Variants in AFF2 observed in about 807,000 individuals in gnomAD.
AFF2 encodes the protein ALF transcription elongation factor 2, also known as AF4/FMR2 family member 2.
Under a neutral mutation model 76.9 loss-of-function variants are expected in AFF2, and 14 were observed. The observed-to-expected ratio is 0.18, with a 90% CI of 0.12 to 0.28. AFF2 has a LOEUF of 0.28. AFF2 is among the 10% of genes least tolerant of loss of function. AFF2 has a pLI of 1.00. For synonymous variants in AFF2, 398 were observed against 366.7 expected, an observed-to-expected ratio of 1.09 and a Z score of -0.98; for missense variants, 868 against 1,001.1, an observed-to-expected ratio of 0.87 and a Z score of 1.79.
At chrX:148,866,149 C>G (rs1030249916) in intron 7 of AFF2, among the ~76,000 whole-genome samples, 2 of 111,809 alleles carry the variant, frequency 1.8e-5, no homozygotes, top group African/African-American at 6.5e-5. Flanking sequence ...AACTTATGCT[C>G]TTAGCCTTCA....
chrX:148,763,277 G>A (rs1557267459), intron 3 of AFF2, among the ~76,000 whole-genome samples: 1 of 111,692 alleles, frequency 9.0e-6, no homozygotes, highest in Non-Finnish European at 1.9e-5. Context: ...TTCCACGGGA[G>A]TACAAATCAA....
chrX:148,693,213 G>A (rs782290741), intron 3 of AFF2, among the ~76,000 whole-genome samples: 1 of 111,458 alleles, frequency 9.0e-6, no homozygotes, highest in South Asian at 3.8e-4. Context: ...CACTGTGCCC[G>A]GCCAAGGTGC....
At chrX:148,974,334 C>A (rs958742993) in intron 16 of AFF2, among the ~76,000 whole-genome samples, 6 of 110,819 alleles carry the variant, frequency 5.4e-5, no homozygotes, top group Non-Finnish European at 9.5e-5. Flanking sequence ...GATATTTGTA[C>A]AATAATTTAA....
intron 3 of AFF2, among the ~76,000 whole-genome samples, chrX:148,750,902 T>A (rs1346081700): frequency 8.9e-6 from 1 of 111,808 alleles, no homozygotes; most frequent in African/African-American, 3.2e-5. Context: ...TCATTCTTAA[T>A]GACCATATCT....
Position 149,000,046 on chromosome X carries a change from T to C in AFF2, c.*8714T>C, listed in dbSNP as rs1179469739. On this transcript the variant is annotated 3_prime_UTR_variant, in exon 21 of 21. Transcript: ENST00000370460. Reference sequence around the variant, plus strand: ...CCAAGTAAGTAGAGGAGCAGAACCATCAGGAACAGCCTGCCTGGCTCCTAT... The same window carrying C: ...CCAAGTAAGTAGAGGAGCAGAACCACCAGGAACAGCCTGCCTGGCTCCTAT... The C allele has an allele frequency of 9.0e-6, 1 of 111,576 alleles. No individual in the cohort carries two copies. Among genetic ancestry groups the C allele is most frequent in the Non-Finnish European group, 1.9e-5 (1 of 53,076 alleles). 9.2% of individuals were successfully genotyped at this position (111,576 alleles called of 1,213,427 possible). A position where few individuals can be genotyped will look rare whatever the true frequency, so the allele number is the denominator to read the frequency against.
At chrX:148,588,372 G>T (rs1236229901) in intron 1 of AFF2, among the ~76,000 whole-genome samples, 1 of 112,709 alleles carries the variant, frequency 8.9e-6, no homozygotes, top group Non-Finnish European at 1.9e-5. Flanking sequence ...AGGTTTCACA[G>T]CTGTCACCTC....
intron 5 of AFF2, among the ~76,000 whole-genome samples, chrX:148,841,010 A>T (rs2124670304): frequency 8.9e-6 from 1 of 112,766 alleles, no homozygotes; most frequent in South Asian, 3.7e-4. Flanking sequence ...TTCAGTGAAT[A>T]ACACAATCTT....
chrX:148,748,423 T>C (rs908232179), intron 3 of AFF2, among the ~76,000 whole-genome samples: 1 of 112,084 alleles, frequency 8.9e-6, no homozygotes, highest in Non-Finnish European at 1.9e-5. Context: ...ATGAGTGTGT[T>C]AGTGTGTGTA....
chrX:148,645,404 A>G (rs2054135077), intron 1 of AFF2, among the ~76,000 whole-genome samples: 1 of 112,551 alleles, frequency 8.9e-6, no homozygotes, highest in Non-Finnish European at 1.9e-5. Flanking sequence ...TTATTAATGA[A>G]CAAGAAACTT....
At chrX:148,832,085 A>T (rs1035175196) in intron 4 of AFF2, among the ~76,000 whole-genome samples, 1 of 112,229 alleles carries the variant, frequency 8.9e-6, no homozygotes, top group East Asian at 2.8e-4. Flanking sequence ...GTCTGTGGTG[A>T]TTTGTAAAGC....
At chrX:148,615,537 G>A (rs1395326774) in intron 1 of AFF2, among the ~76,000 whole-genome samples, 1 of 111,217 alleles carries the variant, frequency 9.0e-6, no homozygotes, top group Non-Finnish European at 1.9e-5. Flanking sequence ...GGGCCTTTAA[G>A]GACTAGAAGG....
chrX:148,983,194 A>G (rs1197809872), intron 19 of AFF2, among the ~76,000 whole-genome samples: 1 of 112,325 alleles, frequency 8.9e-6, no homozygotes, highest in Non-Finnish European at 1.9e-5. Flanking sequence ...AGGCTGAGCA[A>G]CAATTTCGAA....
intron 1 of AFF2, among the ~76,000 whole-genome samples, chrX:148,555,082 G>T (rs960186907): frequency 6.2e-5 from 7 of 112,151 alleles, no homozygotes; most frequent in Admixed American, 3.8e-4. Flanking sequence ...CCTGCAAAAC[G>T]AATGGGCTTT....
At chrX:148,717,169 A>G (rs781903202) in intron 3 of AFF2, among the ~76,000 whole-genome samples, 2 of 112,039 alleles carry the variant, frequency 1.8e-5, no homozygotes, top group South Asian at 7.4e-4. Flanking sequence ...TCAAATCTCC[A>G]TCAATGGACA....
chrX:148,676,992 A>G (rs1557259552), intron 3 of AFF2, among the ~76,000 whole-genome samples: 1 of 110,914 alleles, frequency 9.0e-6, no homozygotes, highest in East Asian at 2.8e-4. Context: ...GAAGGGAGTA[A>G]CATGTTAGGG....
rs182875055 is a variant in AFF2 at position 148,573,516 on chromosome X, T to G, written c.47+72372T>G. 6.4e-3 allele frequency among the ~76,000 whole-genome samples: 713 copies of G among 111,339 alleles called. 6 individuals carry two copies. The highest frequency in any genetic ancestry group is 0.022 in the African/African-American group (676 of 30,672). On this transcript the variant is annotated intron_variant, in intron 1 of 20. Transcript: ENST00000370460. ...AAATGGTGATAAAGACTTTTTTTTTTGTCCTCAAGAATCACATGGAAAGCA... is the reference window on the plus strand; with the variant it reads ...AAATGGTGATAAAGACTTTTTTTTTGGTCCTCAAGAATCACATGGAAAGCA...
intron 1 of AFF2, among the ~76,000 whole-genome samples, chrX:148,634,224 C>G (rs1434663816): frequency 2.7e-5 from 3 of 111,897 alleles, no homozygotes; most frequent in African/African-American, 9.7e-5. Flanking sequence ...AATTTTCCTT[C>G]TATTGGAAGA....
chrX:148,779,371 G>C (rs2069710992), intron 3 of AFF2, among the ~76,000 whole-genome samples: 1 of 111,810 alleles, frequency 8.9e-6, no homozygotes, highest in Non-Finnish European at 1.9e-5. Flanking sequence ...ACTTGGTCCA[G>C]AGTTGAGTTT....
At position 148,955,878 on chromosome X, in the gene AFF2, G is replaced by T. The variant is rs782769172; in HGVS notation, c.1833G>T (p.Lys611Asn). 8.3e-7 allele frequency: 1 copy of T among 1,209,773 alleles called. No individual in the cohort carries two copies. Among genetic ancestry groups the T allele is most frequent in the East Asian group, 3.0e-5 (1 of 33,776 alleles). The stretch of plus-strand genomic sequence containing the variant: ...AAATTCCAGAAACAAAGGCTTTGAA[G>T]CATAAGTTGTCAACAACTAGTGAGA... ...TQKIPETKAL[K>N]HKLSTTSETV... The change falls in exon 11 of 21, where the codon AAG (lysine) becomes AAT (asparagine). Residue 611 changes from lysine (K) to asparagine (N), a missense_variant. By Grantham distance (94) the Lys-to-Asn change is moderately conservative. Around this residue, in one of 6 missense-constraint regions of AFF2, gnomAD observed 532 missense variants for 564.2 expected, o/e 0.94. Coordinates refer to ENST00000370460, the MANE Select transcript of AFF2 (RefSeq NM_002025.4).
Sources: gnomAD v4.1 joint callset for allele counts (sites outside exome capture counted in the v4.1 genomes callset) on GRCh38, gnomAD v4.1.1 for gene constraint, gnomAD v4.1.1 regional missense constraint, MANE v1.5 for transcripts, NCBI Gene and HGNC (gene_info 2026-07-23, HGNC 2026-07-21) for gene names.